The following TSHZ2 variants were observed in gnomAD, a reference collection of about 807,000 sequenced individuals.
The protein encoded by TSHZ2 is teashirt zinc finger homeobox 2, also known as teashirt homolog 2.
A neutral mutation model predicts 74.4 loss-of-function variants in TSHZ2; 21 were observed. The ratio of observed to expected loss-of-function variants is 0.28; its 90% confidence interval spans 0.20 to 0.41. The LOEUF (loss-of-function observed/expected upper bound fraction) is 0.41. Among genes scored for constraint, TSHZ2 ranks in the 10% least tolerant of loss-of-function variants. TSHZ2 has a pLI of 1.00. For synonymous variants in TSHZ2, 540 were observed against 515.3 expected (o/e 1.05, Z -0.65); for missense variants, 1,244 against 1,293.5 (o/e 0.96, Z 0.59).
chr20:52,978,578 G>A (rs1213206699), intron 1 of TSHZ2, among the ~76,000 whole-genome samples: 2 of 151,980 alleles, frequency 1.3e-5, no homozygotes, highest in South Asian at 2.1e-4. Flanking sequence ...TATCATTTTC[G>A]TTTGATGCAA....
chr20:53,093,412 G>A (rs903251748), intron 1 of TSHZ2, among the ~76,000 whole-genome samples: 8 of 152,150 alleles, frequency 5.3e-5, no homozygotes, highest in African/African-American at 9.7e-5. Flanking sequence ...AAGCCTTTCC[G>A]TGGTTTCCCA....
At chr20:53,301,500 G>T (rs1403626997) in intron 2 of TSHZ2, among the ~76,000 whole-genome samples, 1 of 152,126 alleles carries the variant, frequency 6.6e-6, no homozygotes, top group Non-Finnish European at 1.5e-5. Flanking sequence ...AGTTGCTAAT[G>T]GTATTAGGAT....
intron 1 of TSHZ2, among the ~76,000 whole-genome samples, chr20:53,115,994 A>G (rs995907204): frequency 3.3e-5 from 5 of 152,330 alleles, no homozygotes; most frequent in African/African-American, 9.6e-5. Flanking sequence ...GGTTACAGTC[A>G]AGGAAACCAA....
At chr20:53,447,039 C>T (rs1984579923) in intron 2 of TSHZ2, among the ~76,000 whole-genome samples, 1 of 152,208 alleles carries the variant, frequency 6.6e-6, no homozygotes, top group Non-Finnish European at 1.5e-5. Context: ...GGAAGCTCAA[C>T]TGCTTTCCCT....
At chr20:53,316,572 A>G (rs200653) in intron 2 of TSHZ2, among the ~76,000 whole-genome samples, 60,029 of 150,064 alleles carry the variant, frequency 0.4, 12,266 homozygotes, top group Non-Finnish European at 0.45. Flanking sequence ...TCAAAATAGT[A>G]TTTTATGTTT....
rs530277912 is a variant in TSHZ2 at position 52,972,695 on chromosome 20, CGAGGAG to C, written c.-581_-576del. Reference sequence around the variant, plus strand: ...GGCACGAATCCGCCATAGAGATCGGCGAGGAGGAGGAGGAGGAGGAGGAAGAAAAGA... The same window carrying C: ...GGCACGAATCCGCCATAGAGATCGGCGAGGAGGAGGAGGAGGAAGAAAAGA... On this transcript the variant is annotated 5_prime_UTR_variant, in exon 1 of 3. Transcript: ENST00000371497. The C allele has an allele frequency of 4.1e-5, 5 of 122,162 alleles. No homozygotes were observed. The highest frequency in any genetic ancestry group is 2.5e-4 in the East Asian group (1 of 4,004). The allele number at this position is 122,162 out of a possible 1,614,324, so 7.6% of individuals were successfully genotyped here.
At chr20:52,998,713 C>T (rs550540639) in intron 1 of TSHZ2, among the ~76,000 whole-genome samples, 8 of 152,272 alleles carry the variant, frequency 5.3e-5, no homozygotes, top group South Asian at 4.1e-4. Context: ...GGGCAGGAAC[C>T]ATGTCCAGTT....
intron 2 of TSHZ2, among the ~76,000 whole-genome samples, chr20:53,337,550 A>G (rs1014021539): frequency 1.3e-5 from 2 of 152,212 alleles, no homozygotes; most frequent in African/African-American, 4.8e-5. Flanking sequence ...GGATATACCC[A>G]GGGATGTCAG....
chr20:53,438,094 TTTTC>T (rs1263121100), intron 2 of TSHZ2, among the ~76,000 whole-genome samples: 1 of 151,250 alleles, frequency 6.6e-6, no homozygotes, highest in Non-Finnish European at 1.5e-5. Flanking sequence ...TTGGGTGTAC[TTTTC>T]TTTCTTTTTT....
intron 2 of TSHZ2, among the ~76,000 whole-genome samples, chr20:53,375,165 T>G (rs1302644109): frequency 1.3e-5 from 2 of 152,184 alleles, no homozygotes; most frequent in Non-Finnish European, 2.9e-5. Flanking sequence ...CTGGTCAATT[T>G]TTTAAATCAT....
In TSHZ2 at chr20:53,494,015, T is replaced by A. The variant is rs1288603909; in HGVS notation, c.*6880T>A. ...TTGAAACGAAGGGGGCCAGGTGCAG[T>A]GGCTCAAGCCTGTAACCCCTGCACT... On this transcript the variant is annotated 3_prime_UTR_variant, in exon 3 of 3. Transcript: ENST00000371497. 2.6e-5 allele frequency: 4 copies of A among 152,314 alleles called. No individual in the cohort carries two copies. Among genetic ancestry groups the A allele is most frequent in the African/African-American group, 9.6e-5 (4 of 41,472 alleles). 9.4% of individuals were successfully genotyped at this position (152,314 alleles called of 1,614,324 possible).
At chr20:53,220,526 G>A (rs4811421) in intron 1 of TSHZ2, among the ~76,000 whole-genome samples, 71,242 of 152,064 alleles carry the variant, frequency 0.47, 20,221 homozygotes, top group East Asian at 0.8. Context: ...TATTTTTATG[G>A]ACACAATTTT....
intron 1 of TSHZ2, among the ~76,000 whole-genome samples, chr20:53,073,729 C>T (rs1382749874): frequency 1.3e-5 from 2 of 151,954 alleles, no homozygotes; most frequent in Non-Finnish European, 2.9e-5. Context: ...GAGTGGTTCT[C>T]ATCTTTTATT....
chr20:53,284,024 C>G (rs58389674), intron 2 of TSHZ2, among the ~76,000 whole-genome samples: 2,330 of 152,300 alleles, frequency 0.015, 55 homozygotes, highest in African/African-American at 0.053. Flanking sequence ...AAAGTAAAAA[C>G]GGGTACAGTA....
In TSHZ2 at chr20:53,333,827, C is replaced by T. The variant is rs562055108; in HGVS notation, c.*8+77256C>T. 5.9e-5 allele frequency among the ~76,000 whole-genome samples: 9 copies of T among 152,292 alleles called. No individual in the cohort carries two copies. In the East Asian group the frequency reaches 1.7e-3, roughly 29 times the overall value. ...CCTTCCTCCTAGGATGCAGCGACTG[C>T]ATCTCTAGCATGGGCAGGAAGGTGA... is the stretch of plus-strand genomic sequence containing the variant. On this transcript the variant is annotated intron_variant, in intron 2 of 2. Coordinates refer to ENST00000371497, the MANE Select transcript of TSHZ2 (RefSeq NM_173485.6).
chr20:52,973,382 C>CGCCCGCCCTCCTT, intron 1 of TSHZ2, 49 bp downstream of exon 1: 1 of 1,547,190 alleles, frequency 6.5e-7, no homozygotes, highest in African/African-American at 1.4e-5. Flanking sequence ...CCGAGCTCCT[C>CGCCCGCCCTCCTT]GCCCGCCCTC....
chr20:53,186,640 G>T (rs112347862), intron 1 of TSHZ2, among the ~76,000 whole-genome samples: 17 of 152,104 alleles, frequency 1.1e-4, no homozygotes, highest in African/African-American at 3.9e-4. Flanking sequence ...ATTGAAGAAG[G>T]TTTCTTTTCA....
At chr20:53,409,976 ACCTGGGATTACAGGTG>A in intron 2 of TSHZ2, among the ~76,000 whole-genome samples, 1 of 149,002 alleles carries the variant, frequency 6.7e-6, no homozygotes, top group South Asian at 2.1e-4. Flanking sequence ...CCTCTTGAGT[ACCTGGGATTACAGGTG>A]CATGCTACCA....
intron 2 of TSHZ2, among the ~76,000 whole-genome samples, chr20:53,310,173 C>T (rs1238408864): frequency 6.6e-6 from 1 of 152,130 alleles, no homozygotes; most frequent in East Asian, 1.9e-4. Flanking sequence ...TCAGCTAGTC[C>T]AACGTTTCAT....
Sources: gnomAD v4.1 joint callset for allele counts (sites outside exome capture counted in the v4.1 genomes callset) on GRCh38, gnomAD v4.1.1 for gene constraint, MANE v1.5 for transcripts, NCBI Gene and HGNC (gene_info 2026-07-23, HGNC 2026-07-21) for gene names.